CCBE1: variants seen among roughly 807,000 people sequenced by gnomAD.
The protein encoded by CCBE1 is collagen and calcium binding EGF domains 1.
A neutral mutation model predicts 50.0 loss-of-function variants in CCBE1; 37 were observed. The observed-to-expected ratio is 0.74, with a 90% confidence interval of 0.57 to 0.97. The LOEUF (loss-of-function observed/expected upper bound fraction) is 0.97, where lower values mean the gene tolerates loss of function less well. Among genes scored for constraint, CCBE1 ranks in the 50% least tolerant of loss-of-function variants. The probability of loss-of-function intolerance (pLI) is 0.00; values close to 1 mark genes in which losing one functional copy is unlikely to be tolerated. For missense variants in CCBE1, 538 were observed against 523.8 expected (o/e 1.03, Z -0.26); for synonymous variants, 234 against 203.7 (o/e 1.15, Z -1.27).
intron 5 of CCBE1, among the ~76,000 whole-genome samples, chr18:59,456,550 T>C (rs1911203339): frequency 1.3e-5 from 2 of 152,214 alleles, no homozygotes; most frequent in Admixed American, 6.5e-5. Context: ...AGGCACGGAA[T>C]GGATTGTCCT....
chr18:59,497,943 G>T (rs936931555), intron 2 of CCBE1, among the ~76,000 whole-genome samples: 1 of 152,196 alleles, frequency 6.6e-6, no homozygotes, highest in Non-Finnish European at 1.5e-5. Flanking sequence ...AAACAAACAT[G>T]AACCCCGTGG....
rs143076356 is a variant in CCBE1, at chr18:59,649,972, A to T, written c.212+46657T>A. Among the ~76,000 whole-genome samples, 5 of 152,246 alleles carry T rather than the reference A, an allele frequency of 3.3e-5. No individual in the cohort carries two copies. In the East Asian group the frequency reaches 9.7e-4, roughly 30 times the overall value. ...GGGAAAGGAGGGAGGGGTCCCAGAC[A>T]GGCCTTCCCCACTTGTTTTAGTGGC... On this transcript the variant is annotated intron_variant, in intron 2 of 10. Transcript: ENST00000439986.
intron 2 of CCBE1, among the ~76,000 whole-genome samples, chr18:59,637,941 T>A (rs1048818659): frequency 1.3e-5 from 2 of 152,092 alleles, no homozygotes; most frequent in Non-Finnish European, 2.9e-5. Flanking sequence ...TACACAAAAA[T>A]CTTTCAAAAA....
intron 2 of CCBE1, among the ~76,000 whole-genome samples, chr18:59,528,988 C>G (rs376759040): frequency 9.9e-5 from 15 of 152,214 alleles, no homozygotes; most frequent in African/African-American, 3.4e-4. Context: ...CTGGCTGCCT[C>G]TTGGCGGAGG....
At chr18:59,446,128 G>A (rs541411702) in intron 7 of CCBE1, among the ~76,000 whole-genome samples, 2 of 152,226 alleles carry the variant, frequency 1.3e-5, no homozygotes, top group East Asian at 1.9e-4. Flanking sequence ...TTCAAAGGCC[G>A]GGTCTGTTGC....
At chr18:59,697,060 G>T in intron 1 of CCBE1, 152 bp downstream of exon 1, 1 of 1,112,026 alleles carries the variant, frequency 9.0e-7, no homozygotes, top group Non-Finnish European at 1.3e-6. Flanking sequence ...GGGAAGTGTC[G>T]CCCAGGACAG....
At chr18:59,503,624 T>G (rs922549474) in intron 2 of CCBE1, among the ~76,000 whole-genome samples, 2 of 152,260 alleles carry the variant, frequency 1.3e-5, no homozygotes, top group Admixed American at 6.5e-5. Context: ...ACCATTTTTA[T>G]GGCTTCCTAA....
At chr18:59,599,605 G>C (rs1380182127) in intron 2 of CCBE1, among the ~76,000 whole-genome samples, 1 of 152,086 alleles carries the variant, frequency 6.6e-6, no homozygotes, top group Admixed American at 6.5e-5. Flanking sequence ...TGGTACAATG[G>C]CTAAGAGTAC....
At chr18:59,687,537 G>A (rs2054672537) in intron 2 of CCBE1, among the ~76,000 whole-genome samples, 1 of 152,096 alleles carries the variant, frequency 6.6e-6, no homozygotes, top group African/African-American at 2.4e-5. Flanking sequence ...TCTCACTTCA[G>A]AATATTTCTT....
chr18:59,457,586 C>T (rs1196123397), intron 5 of CCBE1, among the ~76,000 whole-genome samples: 1 of 152,166 alleles, frequency 6.6e-6, no homozygotes, highest in African/African-American at 2.4e-5. Flanking sequence ...TTCAGGCCCA[C>T]CAAACCCCTT....
At chr18:59,488,230 C>T (rs1454162056) in intron 2 of CCBE1, among the ~76,000 whole-genome samples, 2 of 152,154 alleles carry the variant, frequency 1.3e-5, no homozygotes, top group East Asian at 1.9e-4. Context: ...TACAGAGTTT[C>T]AGTTTGGGAA....
At chr18:59,540,947 TG>T (rs946420335) in intron 2 of CCBE1, among the ~76,000 whole-genome samples, 5 of 152,230 alleles carry the variant, frequency 3.3e-5, no homozygotes, top group Admixed American at 2.0e-4. Context: ...GTTGGGCTGC[TG>T]GAAAAATATC....
intron 5 of CCBE1, among the ~76,000 whole-genome samples, chr18:59,463,641 A>G (rs1911597251): frequency 6.7e-6 from 1 of 150,236 alleles, no homozygotes; most frequent in Admixed American, 6.6e-5. Context: ...CCCGCAGGCC[A>G]CTCTCCCTCA....
intron 2 of CCBE1, among the ~76,000 whole-genome samples, chr18:59,634,388 G>C (rs1237163482): frequency 6.6e-6 from 1 of 152,306 alleles, no homozygotes; most frequent in East Asian, 1.9e-4. Context: ...CATGACCTGC[G>C]ATCCCTAAAG....
chr18:59,498,173 T>C (rs770520444), intron 2 of CCBE1, among the ~76,000 whole-genome samples: 1 of 151,922 alleles, frequency 6.6e-6, no homozygotes, highest in African/African-American at 2.4e-5. Flanking sequence ...TCATGTGGCA[T>C]TTCTGTTCTT....
At chr18:59,674,276 C>G (rs140374102) in intron 2 of CCBE1, among the ~76,000 whole-genome samples, 171 of 152,242 alleles carry the variant, frequency 1.1e-3, no homozygotes, top group Non-Finnish European at 2.1e-4. Context: ...CACATATACA[C>G]CATGGAATAC....
At position 59,668,819 on chromosome 18, in the gene CCBE1, C is replaced by CTTTTTTTT. The variant is rs34632549; in HGVS notation, c.212+27802_212+27809dup. Among the ~76,000 whole-genome samples the CTTTTTTTT allele has an allele frequency of 8.6e-4, 85 of 99,168 alleles. 2 individuals carry two copies. Among genetic ancestry groups the CTTTTTTTT allele is most frequent in the Non-Finnish European group, 1.1e-3 (60 of 52,638 alleles). 65.1% of individuals were successfully genotyped at this position (99,168 alleles called of 152,430 possible). On this transcript the variant is annotated intron_variant, in intron 2 of 10. Transcript: ENST00000439986. The stretch of plus-strand genomic sequence containing the variant: ...TGCTGGATGATGGTTTTCCATAAGT[C>CTTTTTTTT]TTTTTTTTTTTTTTTTTTTTTGTGA...
intron 1 of CCBE1, among the ~76,000 whole-genome samples, 161 bp downstream of exon 1, chr18:59,697,051 G>A (rs1391480031): frequency 6.6e-6 from 1 of 152,220 alleles, no homozygotes; most frequent in African/African-American, 2.4e-5. Context: ...GGGAGCGGAG[G>A]GAAGTGTCGC....
chr18:59,668,244 C>T (rs1241078092), intron 2 of CCBE1, among the ~76,000 whole-genome samples: 1 of 151,854 alleles, frequency 6.6e-6, no homozygotes, highest in Non-Finnish European at 1.5e-5. Context: ...ATGGTGAAAC[C>T]CAGTCTCTAC....
Sources: gnomAD v4.1 joint callset for allele counts (sites outside exome capture counted in the v4.1 genomes callset) on GRCh38, gnomAD v4.1.1 for gene constraint, MANE v1.5 for transcripts, NCBI Gene and HGNC (gene_info 2026-07-23, HGNC 2026-07-21) for gene names.